The following EYA4 variants were observed in gnomAD, a reference collection of about 807,000 sequenced individuals.
EYA4 encodes the protein protein phosphatase EYA4.
EYA4 carries 31 observed loss-of-function variants against 87.9 expected under a neutral mutation model. That is an observed-to-expected ratio of 0.35 (90% CI 0.27 to 0.48). EYA4 has a LOEUF of 0.48. Ranked by LOEUF, EYA4 falls within the 20% of genes least tolerant of loss-of-function variation. EYA4 has a pLI of 0.99. For synonymous variants in EYA4, 263 were observed against 270.6 expected, an observed-to-expected ratio of 0.97 and a Z score of 0.28; for missense variants, 678 against 761.4, an observed-to-expected ratio of 0.89 and a Z score of 1.29.
At chr6:133,399,545 ACT>A (rs1788086885) in intron 3 of EYA4, among the ~76,000 whole-genome samples, 2 of 152,168 alleles carry the variant, frequency 1.3e-5, no homozygotes, top group South Asian at 2.1e-4. Context: ...CAGTGAAAAT[ACT>A]CTCTAATGAT....
chr6:133,481,354 A>G (rs868030739), intron 11 of EYA4, 109 bp from the exon 12 acceptor site: 1 of 1,079,114 alleles, frequency 9.3e-7, no homozygotes, highest in Non-Finnish European at 1.4e-6. Context: ...CTTTTTTGCC[A>G]TCAGGAGGTT....
chr6:133,378,532 A>T (rs557719824), intron 2 of EYA4, among the ~76,000 whole-genome samples: 1 of 152,018 alleles, frequency 6.6e-6, no homozygotes, highest in Non-Finnish European at 1.5e-5. Context: ...TAGGTTCTTC[A>T]TAGGTTCTGG....
intron 1 of EYA4, among the ~76,000 whole-genome samples, chr6:133,265,358 C>G (rs1244027809): frequency 6.6e-6 from 1 of 151,934 alleles, no homozygotes; most frequent in African/African-American, 2.4e-5. Flanking sequence ...TTCATATTTT[C>G]TGGTGGAACA....
intron 13 of EYA4, chr6:133,502,541 G>A (rs1798224149): frequency 6.6e-6 from 1 of 152,148 alleles, no homozygotes. Flanking sequence ...AAGATGGAGG[G>A]TGCCCAGCAT....
chr6:133,496,999 T>C (rs1883388), intron 13 of EYA4, among the ~76,000 whole-genome samples: 5 of 151,970 alleles, frequency 3.3e-5, no homozygotes, highest in African/African-American at 1.2e-4. Context: ...TACCTGTCTT[T>C]CTTCCTCTCC....
In EYA4 at chr6:133,529,506, A is replaced by C; in HGVS notation, c.*701A>C. 1.0e-6 allele frequency: 1 copy of C among 980,656 alleles called. No homozygotes were observed. The highest frequency in any genetic ancestry group is 1.2e-6 in the Non-Finnish European group (1 of 826,700). The allele number at this position is 980,656 out of a possible 1,614,324, so 60.7% of individuals were successfully genotyped here. A position where few individuals can be genotyped will look rare whatever the true frequency, so the allele number is the denominator to read the frequency against. ...TGTGTTACAATGTAACTTTGGTTAA[A>C]ATCTCTGTAGATAATGAAAAAAAAC... On this transcript the variant is annotated 3_prime_UTR_variant, in exon 20 of 20. Coordinates refer to ENST00000355286, the MANE Select transcript of EYA4 (RefSeq NM_004100.5).
chr6:133,250,373 G>A (rs1477798873), intron 1 of EYA4, among the ~76,000 whole-genome samples: 1 of 152,102 alleles, frequency 6.6e-6, no homozygotes, highest in Non-Finnish European at 1.5e-5. Flanking sequence ...TGGGCGCGGT[G>A]GCTCACACTT....
chr6:133,346,070 A>G (rs1783170945), intron 2 of EYA4, among the ~76,000 whole-genome samples: 1 of 152,190 alleles, frequency 6.6e-6, no homozygotes, highest in Non-Finnish European at 1.5e-5. Flanking sequence ...CCTATATGCC[A>G]TCTGTGGGCT....
chr6:133,527,984 A>T (rs759914356), intron 19 of EYA4, among the ~76,000 whole-genome samples: 2 of 152,090 alleles, frequency 1.3e-5, no homozygotes, highest in Non-Finnish European at 2.9e-5. Flanking sequence ...AATGTCACAT[A>T]TGTACTGTAT....
chr6:133,267,345 A>G (rs948419214), intron 1 of EYA4, among the ~76,000 whole-genome samples: 2 of 150,790 alleles, frequency 1.3e-5, no homozygotes, highest in African/African-American at 4.9e-5. Flanking sequence ...TGGTGTTCTT[A>G]TTTTTTCATC....
At chr6:133,258,787 CA>C (rs1775557628) in intron 1 of EYA4, among the ~76,000 whole-genome samples, 1 of 152,054 alleles carries the variant, frequency 6.6e-6, no homozygotes. Context: ...GTAGATTCTA[CA>C]AAGAACATCC....
At chr6:133,488,228 A>C (rs1186151650) in intron 13 of EYA4, among the ~76,000 whole-genome samples, 1 of 152,126 alleles carries the variant, frequency 6.6e-6, no homozygotes, top group Non-Finnish European at 1.5e-5. Context: ...AGTAGAATAG[A>C]GCAACAGGTA....
chr6:133,418,985 T>A (rs889694853), intron 3 of EYA4, among the ~76,000 whole-genome samples: 1 of 152,204 alleles, frequency 6.6e-6, no homozygotes, highest in African/African-American at 2.4e-5. Flanking sequence ...GCCACTGTTA[T>A]ATTGTCTAAT....
chr6:133,448,200 C>T (rs935390661), intron 5 of EYA4, 21 bp downstream of exon 5: 1 of 1,584,610 alleles, frequency 6.3e-7, no homozygotes, highest in Non-Finnish European at 8.7e-7. Flanking sequence ...TGCTGGTACA[C>T]TGCATGTGTT....
At chr6:133,436,912 T>C (rs747031625) in intron 3 of EYA4, among the ~76,000 whole-genome samples, 1 of 152,170 alleles carries the variant, frequency 6.6e-6, no homozygotes, top group South Asian at 2.1e-4. Context: ...TCGAGTAGAC[T>C]CTAAACTACA....
At chr6:133,439,311 C>T (rs887308053) in intron 3 of EYA4, 1 of 152,152 alleles carries the variant, frequency 6.6e-6, no homozygotes, top group Non-Finnish European at 1.5e-5. Context: ...CACTTAAATT[C>T]ACCTTGTCAC....
In EYA4 at chr6:133,498,812, T is replaced by C. The variant is rs557380998; in HGVS notation, c.1192-7294T>C. ...ATATCTCGAACTCTTCCCTAGGGAA[T>C]TGGGGAATCATTGCTACCTATTGTC... On this transcript the variant is annotated intron_variant, in intron 13 of 19. Coordinates refer to ENST00000355286, the MANE Select transcript of EYA4 (RefSeq NM_004100.5). Among the ~76,000 whole-genome samples, 4 of 152,302 alleles carry C rather than the reference T, an allele frequency of 2.6e-5. No homozygotes were observed. In the East Asian group the frequency reaches 7.7e-4, roughly 29 times the overall value.
chr6:133,347,398 C>A (rs959269285), intron 2 of EYA4, among the ~76,000 whole-genome samples: 14 of 151,800 alleles, frequency 9.2e-5, no homozygotes, highest in Admixed American at 8.5e-4. Flanking sequence ...TTTAACTCTT[C>A]TTTTTCTGAC....
intron 1 of EYA4, among the ~76,000 whole-genome samples, chr6:133,269,741 A>T (rs2128255186): frequency 6.6e-6 from 1 of 152,344 alleles, no homozygotes; most frequent in South Asian, 2.1e-4. Context: ...AATATTCAAT[A>T]AACTGAATTG....
Sources: allele counts gnomAD v4.1 joint callset (sites outside exome capture counted in the v4.1 genomes callset), GRCh38; gene constraint gnomAD v4.1.1; transcripts MANE v1.5; gene names NCBI Gene and HGNC (gene_info 2026-07-23, HGNC 2026-07-21).